The following ADD1 variants were observed in gnomAD, a reference collection of about 807,000 sequenced individuals.
ADD1 encodes adducin 1.
Under a neutral mutation model 80.5 loss-of-function variants are expected in ADD1, and 24 were observed. The observed-to-expected ratio is 0.30, with a 90% CI of 0.22 to 0.42. The LOEUF (loss-of-function observed/expected upper bound fraction) is 0.42, where lower values mean the gene tolerates loss of function less well. ADD1 is among the 10% of genes least tolerant of loss of function. The pLI is 1.00. For missense variants in ADD1, 948 were observed against 1,019.0 expected, an observed-to-expected ratio of 0.93 and a Z score of 0.95; for synonymous variants, 373 against 393.8, an observed-to-expected ratio of 0.95 and a Z score of 0.63.
chr4:2,923,621 G>A (rs1412114096), intron 14 of ADD1, among the ~76,000 whole-genome samples: 3 of 152,236 alleles, frequency 2.0e-5, no homozygotes, highest in Non-Finnish European at 2.9e-5. Flanking sequence ...GTCTCTTTAC[G>A]AACACAGTAT....
In ADD1 at chr4:2,928,413, G is replaced by A. The variant is rs377188092; in HGVS notation, c.2290G>A (p.Ala764Thr). 46 of 1,613,152 alleles carry A rather than the reference G, an allele frequency of 2.9e-5. No homozygotes were observed. Among genetic ancestry groups the A allele is most frequent in the African/African-American group, 1.2e-4 (9 of 74,860 alleles). The change falls in exon 16 of 16, where the codon GCC becomes ACC. Residue 764 changes from alanine (A) to threonine (T), a missense_variant. Physicochemically the swap from Ala to Thr is moderately conservative, Grantham distance 58. Transcript: ENST00000683351. ...CCCCTCAGCTGTCGAGGAGGGGGCC[G>A]CCGCGGACCCTGGCAGCGATGGGTC... ...AAPSAVEEGA[A>T]ADPGSDGSPG...
intron 14 of ADD1, among the ~76,000 whole-genome samples, chr4:2,922,006 A>G (rs1339120550): frequency 6.6e-6 from 1 of 151,696 alleles, no homozygotes; most frequent in Non-Finnish European, 1.5e-5. Context: ...GTTCTTCTCT[A>G]CACTGGTTAT....
At chr4:2,892,183 C>T (rs2108992750) in intron 4 of ADD1, among the ~76,000 whole-genome samples, 1 of 152,270 alleles carries the variant, frequency 6.6e-6, no homozygotes, top group East Asian at 1.9e-4. Flanking sequence ...CAGAAGAAAT[C>T]ACTATGTGGC....
chr4:2,897,375 GAGAAATTATATA>G (rs1003166015), intron 6 of ADD1, among the ~76,000 whole-genome samples: 5 of 149,360 alleles, frequency 3.3e-5, no homozygotes, highest in Non-Finnish European at 7.4e-5. Context: ...AATACATGTA[GAGAAATTATATA>G]AGAAATTATA....
chr4:2,856,894 G>A (rs1485752006), intron 1 of ADD1, among the ~76,000 whole-genome samples: 1 of 151,086 alleles, frequency 6.6e-6, no homozygotes, highest in Non-Finnish European at 1.5e-5. Context: ...CCCAGCCAAC[G>A]TTCTTATTCT....
In ADD1 at chr4:2,904,448, C is replaced by T. The variant is rs180688431; in HGVS notation, c.1162-316C>T. ...GCGTTGCCTTCAGGAGAGTCATCCA[C>T]GTGGTTGGTTTAGAGCACATTGTGT... On this transcript the variant is annotated intron_variant, in intron 9 of 15. Transcript: ENST00000683351. Among the ~76,000 whole-genome samples the T allele has an allele frequency of 4.6e-5, 7 of 152,324 alleles. No individual in the cohort carries two copies. In the East Asian group the frequency reaches 1.4e-3, roughly 29 times the overall value.
chr4:2,900,449 T>C (rs912120386), intron 9 of ADD1: 11 of 149,294 alleles, frequency 7.4e-5, no homozygotes, highest in African/African-American at 2.5e-4. Flanking sequence ...GACATGTCAG[T>C]GTGGGGAAAG....
intron 1 of ADD1, among the ~76,000 whole-genome samples, chr4:2,859,545 A>C (rs753318654): frequency 5.3e-5 from 8 of 152,210 alleles, no homozygotes; most frequent in Non-Finnish European, 1.2e-4. Context: ...ACTGAGAGAG[A>C]TGCCAAATAA....
At chr4:2,898,078 A>C in intron 6 of ADD1, 106 bp from the exon 7 acceptor site, 1 of 1,398,424 alleles carries the variant, frequency 7.2e-7, no homozygotes, top group Non-Finnish European at 9.7e-7. Flanking sequence ...AGAGGACAAA[A>C]ACATTTCCCT....
At chr4:2,878,872 CAG>C (rs1160842019) in intron 2 of ADD1, among the ~76,000 whole-genome samples, 1 of 152,034 alleles carries the variant, frequency 6.6e-6, no homozygotes, top group Non-Finnish European at 1.5e-5. Context: ...GAGTTCAGAA[CAG>C]GGGAGGTGAG....
chr4:2,850,314 C>G (rs1019233360), intron 1 of ADD1, among the ~76,000 whole-genome samples: 3 of 152,240 alleles, frequency 2.0e-5, no homozygotes, highest in Non-Finnish European at 4.4e-5. Flanking sequence ...CTTGCCCAGG[C>G]TGGAGTGCAG....
At chr4:2,895,031 C>T (rs1474086853) in intron 6 of ADD1, among the ~76,000 whole-genome samples, 2 of 151,756 alleles carry the variant, frequency 1.3e-5, no homozygotes, top group Non-Finnish European at 2.9e-5. Context: ...GATGCTGAGG[C>T]GGGAGGATTG....
At chr4:2,887,071 A>G (rs974921897) in intron 4 of ADD1, among the ~76,000 whole-genome samples, 19 of 152,244 alleles carry the variant, frequency 1.2e-4, no homozygotes, top group African/African-American at 4.6e-4. Flanking sequence ...AATTGGCAAA[A>G]TTAAAAAAGT....
intron 1 of ADD1, among the ~76,000 whole-genome samples, chr4:2,862,220 G>T (rs1054592583): frequency 6.6e-6 from 1 of 152,198 alleles, no homozygotes; most frequent in Non-Finnish European, 1.5e-5. Flanking sequence ...CTGAAAGTGG[G>T]AGCAGCTGTG....
At chr4:2,888,245 A>G (rs1433046588) in intron 4 of ADD1, among the ~76,000 whole-genome samples, 1 of 151,242 alleles carries the variant, frequency 6.6e-6, no homozygotes, top group African/African-American at 2.4e-5. Flanking sequence ...CCACTAGCTG[A>G]TTTTAGTATT....
chr4:2,883,432 A>C (rs1325461599), intron 3 of ADD1, among the ~76,000 whole-genome samples: 14 of 152,046 alleles, frequency 9.2e-5, no homozygotes, highest in Admixed American at 9.2e-4. Flanking sequence ...ATGGATGTTG[A>C]ACTTTGTGAA....
At chr4:2,861,616 C>G (rs1297874029) in intron 1 of ADD1, among the ~76,000 whole-genome samples, 1 of 152,170 alleles carries the variant, frequency 6.6e-6, no homozygotes, top group Non-Finnish European at 1.5e-5. Context: ...GTATATAAAT[C>G]AGTGGTTCTC....
chr4:2,908,447 G>T, intron 11 of ADD1, 68 bp from the exon 12 acceptor site: 1 of 1,419,838 alleles, frequency 7.0e-7, no homozygotes. Flanking sequence ...AAGTGCACAA[G>T]CAGCAGGGCT....
At chr4:2,908,252 A>G (rs1737396008) in intron 11 of ADD1, among the ~76,000 whole-genome samples, 1 of 152,206 alleles carries the variant, frequency 6.6e-6, no homozygotes. Flanking sequence ...CCCCAAGTTA[A>G]TGACAGTGAG....
Sources: gnomAD v4.1 joint callset for allele counts (sites outside exome capture counted in the v4.1 genomes callset) on GRCh38, gnomAD v4.1.1 for gene constraint, MANE v1.5 for transcripts, NCBI Gene and HGNC (gene_info 2026-07-23, HGNC 2026-07-21) for gene names.